The following SDE2 variants were observed in gnomAD, a reference collection of about 807,000 sequenced individuals.
The protein encoded by SDE2 is spliceosome associated SDE2.
SDE2 carries 31 observed loss-of-function variants against 46.9 expected under a neutral mutation model. The observed-to-expected ratio is 0.66, with a 90% CI of 0.50 to 0.89. The LOEUF is 0.89. Ranked by LOEUF, SDE2 falls within the 40% of genes least tolerant of loss-of-function variation. SDE2 has a pLI of 0.00. For synonymous variants in SDE2, 205 were observed against 204.3 expected (o/e 1.00, Z -0.03); for missense variants, 542 against 564.4 (o/e 0.96, Z 0.40).
rs745719429 is a variant in SDE2 at position 225,995,397 on chromosome 1, T to G, written c.121-14A>C. On this transcript the variant is annotated splice_polypyrimidine_tract_variant and intron_variant, in intron 1 of 6. Coordinates refer to ENST00000272091, the MANE Select transcript of SDE2 (RefSeq NM_152608.4). The stretch of plus-strand genomic sequence containing the variant: ...CACTGGAACATTCTAGAGACAAATT[T>G]GTTTTTTTAATGCCTTTTATGAGAT... 8.9e-6 allele frequency: 13 copies of G among 1,464,772 alleles called. No individual in the cohort carries two copies. The highest frequency in any genetic ancestry group is 1.1e-5 in the Non-Finnish European group (11 of 1,046,872). The allele number at this position is 1,464,772 out of a possible 1,614,324, so 90.7% of individuals were successfully genotyped here. A position where few individuals can be genotyped will look rare whatever the true frequency, so the allele number is the denominator to read the frequency against.
chr1:225,994,081 C>CTT (rs371544719), intron 2 of SDE2, among the ~76,000 whole-genome samples: 19 of 140,870 alleles, frequency 1.3e-4, no homozygotes, highest in African/African-American at 3.4e-4. Flanking sequence ...ATGCTTCATT[C>CTT]TTTTTTTTTT....
intron 5 of SDE2, among the ~76,000 whole-genome samples, chr1:225,989,224 A>G (rs1656337581): frequency 6.6e-6 from 1 of 150,808 alleles, no homozygotes; most frequent in Admixed American, 6.6e-5. Flanking sequence ...TTGAACCAGG[A>G]GGCAGAGGTT....
rs373668692 is a variant in SDE2 at position 225,985,526 on chromosome 1, G to C, written c.1135-3C>G. ...TCTATAGTTTCCTTATCAATAACCT[G>C]AGGGAAAAAAATAAGAAAATATTTA... On this transcript the variant is annotated splice_polypyrimidine_tract_variant and splice_region_variant and intron_variant, in intron 6 of 6. Transcript: ENST00000272091. The C allele has an allele frequency of 8.1e-5, 128 of 1,576,646 alleles. No homozygotes were observed. In the African/African-American group the frequency reaches 1.5e-3, roughly 18 times the overall value.
chr1:225,992,665 C>T (rs1267531874), intron 3 of SDE2, 98 bp from the exon 4 acceptor site: 2 of 811,484 alleles, frequency 2.5e-6, no homozygotes, highest in Admixed American at 2.3e-5. Flanking sequence ...CTTGTTCATA[C>T]TGTGATATTC....
At chr1:225,990,605 CCTTT>C (rs1656377545) in intron 5 of SDE2, among the ~76,000 whole-genome samples, 1 of 152,004 alleles carries the variant, frequency 6.6e-6, no homozygotes, top group Admixed American at 6.6e-5. Context: ...GTGTCACCAC[CCTTT>C]CTCTCAGGAA....
At chr1:225,997,481 G>A (rs1026662518) in intron 1 of SDE2, among the ~76,000 whole-genome samples, 1 of 152,124 alleles carries the variant, frequency 6.6e-6, no homozygotes, top group African/African-American at 2.4e-5. Context: ...CCAGTTTGGA[G>A]TGCAATGGCT....
intron 6 of SDE2, 82 bp downstream of exon 6, chr1:225,987,814 C>A: frequency 7.9e-7 from 1 of 1,272,464 alleles, no homozygotes; most frequent in Non-Finnish European, 1.1e-6. Context: ...AGCTGAGGGG[C>A]AAAAGCACAT....
intron 1 of SDE2, among the ~76,000 whole-genome samples, chr1:225,997,995 C>T (rs1201737793): frequency 6.6e-6 from 1 of 151,950 alleles, no homozygotes; most frequent in East Asian, 1.9e-4. Flanking sequence ...GGCATGGTGG[C>T]GGGCGACTGC....
chr1:225,989,464 A>T (rs1290290934), intron 5 of SDE2, among the ~76,000 whole-genome samples: 1 of 151,822 alleles, frequency 6.6e-6, no homozygotes, highest in Non-Finnish European at 1.5e-5. Context: ...CACCATCTCT[A>T]CTAAAAATAC....
intron 1 of SDE2, 105 bp from the exon 2 acceptor site, chr1:225,995,488 G>C (rs1463653867): frequency 1.1e-5 from 6 of 566,244 alleles, no homozygotes; most frequent in African/African-American, 1.9e-5. Flanking sequence ...ACAACAGAGG[G>C]TGTTCAATTA....
At position 225,985,227 on chromosome 1, in the gene SDE2, C is replaced by A. The variant is rs981301037; in HGVS notation, c.*75G>T. 5.2e-6 allele frequency: 6 copies of A among 1,144,434 alleles called. No individual in the cohort carries two copies. In the Admixed American group the frequency reaches 1.1e-4, roughly 21 times the overall value. 70.9% of individuals were successfully genotyped at this position (1,144,434 alleles called of 1,614,324 possible). ...TTAGCTTTTAATATCAACAGGAATA[C>A]TGGTCAAGAGTCCACATTATGCAGG... On this transcript the variant is annotated 3_prime_UTR_variant, in exon 7 of 7. Coordinates refer to ENST00000272091, the MANE Select transcript of SDE2 (RefSeq NM_152608.4).
In SDE2 at chr1:225,999,198, C is replaced by T; in HGVS notation, c.115G>A (p.Asp39Asn). The T allele has an allele frequency of 6.2e-7, 1 of 1,612,226 alleles. No individual in the cohort carries two copies. Residue 39 changes from aspartate to asparagine, a missense_variant, in exon 1 of 7, where the codon GAT (aspartate) becomes AAT (asparagine). This residue lies in a region of SDE2 where 135 missense variants were observed against 106.5 expected (regional missense o/e 1.27). Coordinates refer to ENST00000272091, the MANE Select transcript of SDE2 (RefSeq NM_152608.4). ...ACAGGAACCGAAATCCTCACCTGAT[C>T]TTGGCAGTGCCGGTGGATAAAATCC... is the stretch of plus-strand genomic sequence containing the variant. ...VRDFIHRHCQ[D>N]QNVPVENFFV...
Position 225,987,984 on chromosome 1 carries a change from G to A in SDE2, c.1046C>T (p.Thr349Ile). 1 of 1,614,160 alleles carries A rather than the reference G, an allele frequency of 6.2e-7. No homozygotes were observed. Among genetic ancestry groups the A allele is most frequent in the Non-Finnish European group, 8.5e-7 (1 of 1,179,994 alleles). Reference protein sequence around the residue: ...LNKDKETEERTDGERVAEVAP... With the variant: ...LNKDKETEERIDGERVAEVAP... The stretch of plus-strand genomic sequence containing the variant: ...TACCTCAGCAACTCTTTCCCCATCA[G>A]TCCTTTCTTCTGTCTCTTTATCCTT... The change falls in exon 6 of 7, where the codon ACT becomes ATT. Residue 349 changes from threonine to isoleucine, a missense_variant. Physicochemically the swap from Thr to Ile is moderately conservative, Grantham distance 89. Coordinates refer to ENST00000272091, the MANE Select transcript of SDE2 (RefSeq NM_152608.4).
Position 225,991,719 on chromosome 1 carries a change from G to A in SDE2, c.521-356C>T, listed in dbSNP as rs140816762. Among the ~76,000 whole-genome samples, 136 of 152,158 alleles carry A rather than the reference G, an allele frequency of 8.9e-4. 1 individual carries two copies. The highest frequency in any genetic ancestry group is 3.1e-3 in the African/African-American group (127 of 41,502). ...GATGCAAAAAGATTGTTTCTTATTC[G>A]ATTGTTCCCATACTAGGCCTGCCAT... On this transcript the variant is annotated intron_variant, in intron 4 of 6. Transcript: ENST00000272091.
chr1:225,988,233 G>A lies in SDE2; in HGVS notation c.797C>T (p.Ser266Phe). The change falls in exon 6 of 7, where the codon TCT (serine) becomes TTT (phenylalanine). Residue 266 changes from serine (S) to phenylalanine (F), a missense_variant. Coordinates refer to ENST00000272091, the MANE Select transcript of SDE2 (RefSeq NM_152608.4). ...TGTATTCACTACTCTCGCCCTCTGA[G>A]AACCACTGGGAAATTTGGCTGCCAT... is the stretch of plus-strand genomic sequence containing the variant. ...VEMAAKFPSG[S>F]QRARVVNTDH... 1.2e-6 allele frequency: 2 copies of A among 1,614,136 alleles called. No individual in the cohort carries two copies. The highest frequency in any genetic ancestry group is 1.7e-6 in the Non-Finnish European group (2 of 1,180,028).
At chr1:225,998,241 G>A (rs1656577341) in intron 1 of SDE2, among the ~76,000 whole-genome samples, 1 of 152,202 alleles carries the variant, frequency 6.6e-6, no homozygotes. Flanking sequence ...ACAGTTTTTA[G>A]ACTGGATTAC....
chr1:225,983,637 G>A lies in SDE2; in HGVS notation c.*1665C>T, dbSNP rs547408585. ...TCCCACCTCAGCCTCTCAAATTACA[G>A]ATTACAGCTGTAATCTCAGCATGTA... On this transcript the variant is annotated 3_prime_UTR_variant, in exon 7 of 7. Transcript: ENST00000272091. 6.6e-6 allele frequency: 1 copy of A among 151,584 alleles called. No individual in the cohort carries two copies. The highest frequency in any genetic ancestry group is 1.5e-5 in the Non-Finnish European group (1 of 67,568). The allele number at this position is 151,584 out of a possible 1,614,324, so 9.4% of individuals were successfully genotyped here. A position where few individuals can be genotyped will look rare whatever the true frequency, so the allele number is the denominator to read the frequency against.
chr1:225,990,208 T>C (rs902020910), intron 5 of SDE2, among the ~76,000 whole-genome samples: 2 of 152,032 alleles, frequency 1.3e-5, no homozygotes, highest in African/African-American at 2.4e-5. Context: ...CATGAAACGA[T>C]ACGGAGTGAT....
chr1:225,990,445 C>T (rs148825688), intron 5 of SDE2, among the ~76,000 whole-genome samples: 32 of 152,252 alleles, frequency 2.1e-4, no homozygotes, highest in African/African-American at 7.7e-4. Flanking sequence ...TTAAAATACA[C>T]TCTATCTAGA....
Sources: gnomAD v4.1 joint callset for allele counts (sites outside exome capture counted in the v4.1 genomes callset) on GRCh38, gnomAD v4.1.1 for gene constraint, gnomAD v4.1.1 regional missense constraint, MANE v1.5 for transcripts, NCBI Gene and HGNC (gene_info 2026-07-23, HGNC 2026-07-21) for gene names.